The following CFAP70 variants were observed in gnomAD, a reference collection of about 807,000 sequenced individuals.
CFAP70 encodes the protein cilia and flagella associated protein 70.
Under a neutral mutation model 137.6 loss-of-function variants are expected in CFAP70, and 81 were observed. The observed-to-expected ratio is 0.59, with a 90% CI of 0.49 to 0.71. The LOEUF (loss-of-function observed/expected upper bound fraction) is 0.71. CFAP70 is among the 30% of genes least tolerant of loss of function. The pLI is 0.00. For missense variants in CFAP70, 976 were observed against 1,226.7 expected (o/e 0.80, Z 3.05); for synonymous variants, 382 against 423.6 (o/e 0.90, Z 1.20).
chr10:73,285,561 G>A (rs1027877908), intron 19 of CFAP70, among the ~76,000 whole-genome samples: 2 of 151,408 alleles, frequency 1.3e-5, no homozygotes, highest in Admixed American at 1.3e-4. Flanking sequence ...GAGCTAACCA[G>A]ATAGACTCTC....
chr10:73,256,902 C>CA (rs55805225), intron 25 of CFAP70, among the ~76,000 whole-genome samples: 2,279 of 52,328 alleles, frequency 0.044, 2 homozygotes, highest in Non-Finnish European at 0.066. Flanking sequence ...GACTCCATCT[C>CA]AAAAAAAAAA....
chr10:73,269,007 A>AT (rs1235836524), intron 25 of CFAP70, among the ~76,000 whole-genome samples: 1 of 152,092 alleles, frequency 6.6e-6, no homozygotes, highest in Non-Finnish European at 1.5e-5. Flanking sequence ...TATTTTTAAA[A>AT]TGTTGATATT....
At chr10:73,316,487 G>GATATATATATATATATAT (rs551707557) in intron 9 of CFAP70, among the ~76,000 whole-genome samples, 2 of 100,942 alleles carry the variant, frequency 2.0e-5, no homozygotes, top group African/African-American at 4.5e-5. Context: ...TATAGATATA[G>GATATATATATATATATAT]ATATATATAT....
intron 12 of CFAP70, among the ~76,000 whole-genome samples, 167 bp from the exon 14 acceptor site, chr10:73,299,832 T>C (rs1386430156): frequency 1.3e-5 from 2 of 152,160 alleles, no homozygotes; most frequent in Non-Finnish European, 2.9e-5. Context: ...ACCCTAGATG[T>C]GAACCACAGC....
chr10:73,335,606 A>G (rs2132346405), intron 6 of CFAP70, 82 bp from the exon 8 acceptor site: 2 of 911,228 alleles, frequency 2.2e-6, no homozygotes, highest in East Asian at 2.6e-5. Flanking sequence ...CTTTTAATGG[A>G]TTTGTTCACA....
chr10:73,259,970 G>A lies in CFAP70; in HGVS notation c.3028-3554C>T, dbSNP rs556495555. 5.9e-5 allele frequency among the ~76,000 whole-genome samples: 9 copies of A among 151,912 alleles called. No individual in the cohort carries two copies. In the East Asian group the frequency reaches 1.8e-3, roughly 30 times the overall value. ...TGAGCCTAGAAGGTCGAGGCAGCAA[G>A]TAAGCTGTGTTCCTGCCACTGCATT... On this transcript the variant is annotated intron_variant, in intron 25 of 26. Transcript: ENST00000310715.
intron 19 of CFAP70, among the ~76,000 whole-genome samples, chr10:73,287,252 A>G (rs769463315): frequency 8.5e-5 from 13 of 152,230 alleles, no homozygotes; most frequent in African/African-American, 3.1e-4. Flanking sequence ...TTGCTCCTAC[A>G]CTACAAATGT....
At position 73,348,140 on chromosome 10, in the gene CFAP70, C is replaced by A; in HGVS notation, c.349+283G>T. The A allele has an allele frequency of 6.2e-7, 1 of 1,611,916 alleles. No individual in the cohort carries two copies. The highest frequency in any genetic ancestry group is 8.5e-7 in the Non-Finnish European group (1 of 1,177,974). ...GAATGGCAGGCTGAAATGTTGAGAG[C>A]TAAAACTCTGATTACCTTAGCACTT... On this transcript the variant is annotated intron_variant, in intron 4 of 26. Coordinates refer to ENST00000310715, the Ensembl canonical transcript of CFAP70.
At chr10:73,293,414 G>C in intron 15 of CFAP70, 26 bp from the exon 17 acceptor site, 1 of 1,546,496 alleles carries the variant, frequency 6.5e-7, no homozygotes, top group Non-Finnish European at 8.7e-7. Context: ...ATGTTAGGTA[G>C]ACAAAAATGA....
In CFAP70 at chr10:73,345,232, C is replaced by G. The variant is rs780152983; in HGVS notation, c.350-118G>C. ...GGCTCTGCCACTAATACTTTAACTT[C>G]AAGACTGCACTGCTGTAAAAGAATA... is the stretch of plus-strand genomic sequence containing the variant. On this transcript the variant is annotated intron_variant, in intron 4 of 26. Coordinates refer to ENST00000310715, the Ensembl canonical transcript of CFAP70. 1.9e-6 allele frequency: 3 copies of G among 1,613,518 alleles called. No homozygotes were observed. The Admixed American group carries it at 5.0e-5, about 27-fold the overall frequency.
intron 4 of CFAP70, among the ~76,000 whole-genome samples, chr10:73,347,685 A>G (rs1046693461): frequency 1.3e-5 from 2 of 152,220 alleles, no homozygotes; most frequent in African/African-American, 2.4e-5. Flanking sequence ...ATAACATTAT[A>G]GAGGTATACA....
At chr10:73,277,649 G>A (rs1447040076) in intron 20 of CFAP70, among the ~76,000 whole-genome samples, 1 of 151,668 alleles carries the variant, frequency 6.6e-6, no homozygotes, top group Non-Finnish European at 1.5e-5. Context: ...GGAGTCAGAG[G>A]TTGCAGTGAG....
intron 25 of CFAP70, among the ~76,000 whole-genome samples, chr10:73,258,707 C>A (rs923807885): frequency 6.6e-6 from 1 of 152,168 alleles, no homozygotes; most frequent in Non-Finnish European, 1.5e-5. Flanking sequence ...AGGAACAGCC[C>A]TGAGAAAGAG....
At chr10:73,330,181 G>A (rs1246148046) in intron 8 of CFAP70, among the ~76,000 whole-genome samples, 1 of 152,116 alleles carries the variant, frequency 6.6e-6, no homozygotes, top group Non-Finnish European at 1.5e-5. Flanking sequence ...GCTGGGTGCA[G>A]TGGCTCACAC....
In CFAP70 at chr10:73,316,499, T is replaced by G. The variant is rs894903915; in HGVS notation, c.913-3856A>C. ...ATATATAGATATAGATATATATATA[T>G]ATATATATATATATGACGTACACAT... On this transcript the variant is annotated intron_variant, in intron 9 of 26. Coordinates refer to ENST00000310715, the Ensembl canonical transcript of CFAP70. Among the ~76,000 whole-genome samples the G allele has an allele frequency of 2.3e-4, 31 of 136,126 alleles. No individual in the cohort carries two copies. In the South Asian group the frequency reaches 4.3e-3, roughly 19 times the overall value. 89.3% of individuals were successfully genotyped at this position (136,126 alleles called of 152,430 possible). A position where few individuals can be genotyped will look rare whatever the true frequency, so the allele number is the denominator to read the frequency against.
At chr10:73,329,276 T>C (rs2051818334) in intron 8 of CFAP70, among the ~76,000 whole-genome samples, 1 of 151,374 alleles carries the variant, frequency 6.6e-6, no homozygotes, top group South Asian at 2.1e-4. Flanking sequence ...CACTCATAGG[T>C]GGGAACTGAA....
At chr10:73,256,550 G>A (rs1367633335) in intron 25 of CFAP70, 134 bp from the exon 27 acceptor site, 4 of 822,938 alleles carry the variant, frequency 4.9e-6, no homozygotes, top group Non-Finnish European at 7.7e-6. Flanking sequence ...AAGAACTTCT[G>A]AATTGAGAGG....
At chr10:73,291,366 C>T (rs888917369) in exon 19 of CFAP70, 2 of 1,614,126 alleles carry the variant, frequency 1.2e-6, no homozygotes, top group South Asian at 1.1e-5. Context: ...CTGAAGCATC[C>T]GTGCCTGAAG....
At chr10:73,333,532 A>G (rs1170752288) in intron 7 of CFAP70, among the ~76,000 whole-genome samples, 1 of 152,152 alleles carries the variant, frequency 6.6e-6, no homozygotes, top group African/African-American at 2.4e-5. Context: ...TACCTACAGA[A>G]GAACAAGGAT....
Sources: gnomAD v4.1 joint callset for allele counts (sites outside exome capture counted in the v4.1 genomes callset) on GRCh38, gnomAD v4.1.1 for gene constraint, MANE v1.5 for transcripts, NCBI Gene and HGNC (gene_info 2026-07-23, HGNC 2026-07-21) for gene names.